Variants in MTTP observed in about 807,000 individuals in gnomAD.
MTTP encodes the protein microsomal triglyceride transfer protein large subunit.
In MTTP, 49 loss-of-function variants were observed where a neutral mutation model predicts 90.6. The observed-to-expected ratio is 0.54, with a 90% CI of 0.43 to 0.69. The LOEUF (loss-of-function observed/expected upper bound fraction) is 0.69. Among genes scored for constraint, MTTP ranks in the 30% least tolerant of loss-of-function variants. The pLI is 0.00. For synonymous variants in MTTP, 347 were observed against 384.2 expected (o/e 0.90, Z 1.13); for missense variants, 945 against 1,067.5 (o/e 0.89, Z 1.60).
At chr4:99,606,610 G>C (rs919500917) in intron 10 of MTTP, 138 bp from the exon 11 acceptor site, 1 of 798,548 alleles carries the variant, frequency 1.3e-6, no homozygotes, top group Admixed American at 1.9e-5. Flanking sequence ...TTATTCCACT[G>C]TGTGCCTCAG....
At chr4:99,566,297 G>GAAAAAAAAAAAAAAAAAAAAA in intron 1 of MTTP, among the ~76,000 whole-genome samples, 1 of 117,534 alleles carries the variant, frequency 8.5e-6, no homozygotes, top group Non-Finnish European at 1.8e-5. Flanking sequence ...TCAAAAAAAA[G>GAAAAAAAAAAAAAAAAAAAAA]AAAAAAAAAA....
chr4:99,598,237 G>T (rs1725605810), intron 8 of MTTP, among the ~76,000 whole-genome samples: 1 of 152,008 alleles, frequency 6.6e-6, no homozygotes, highest in African/African-American at 2.4e-5. Context: ...AAATTATCAG[G>T]CTCTGTTTTA....
At chr4:99,622,385 A>G (rs374296393) in intron 17 of MTTP, among the ~76,000 whole-genome samples, 14 of 152,340 alleles carry the variant, frequency 9.2e-5, no homozygotes, top group African/African-American at 3.4e-4. Context: ...GGTGAGACAC[A>G]GCACAGCCTG....
chr4:99,575,083 A>C (rs1048362707), intron 1 of MTTP, 113 bp downstream of exon 1: 1 of 1,225,268 alleles, frequency 8.2e-7, no homozygotes, highest in Non-Finnish European at 1.2e-6. Flanking sequence ...TTCTGACTAA[A>C]CTATCTTCAA....
chr4:99,567,044 A>G lies in MTTP; in HGVS notation c.-102+2807A>G, dbSNP rs1724719268. On this transcript the variant is annotated intron_variant, in intron 1 of 18. Transcript: ENST00000457717. Reference sequence around the variant, plus strand: ...AACCCATTTTTAAACATGACTTGAAAGGTAGCTACAAGGAAGAATCGGCCA... The same window carrying G: ...AACCCATTTTTAAACATGACTTGAAGGGTAGCTACAAGGAAGAATCGGCCA... 3.3e-5 allele frequency among the ~76,000 whole-genome samples: 5 copies of G among 152,342 alleles called. No homozygotes were observed. In the South Asian group the frequency reaches 1.0e-3, roughly 32 times the overall value.
intron 12 of MTTP, 126 bp downstream of exon 12, chr4:99,609,103 C>G: frequency 1.1e-6 from 1 of 931,390 alleles, no homozygotes; most frequent in Non-Finnish European, 1.7e-6. Flanking sequence ...CCAAAGAGTG[C>G]CAGATTTCCC....
At chr4:99,603,235 G>T (rs935529160) in intron 10 of MTTP, among the ~76,000 whole-genome samples, 1 of 152,080 alleles carries the variant, frequency 6.6e-6, no homozygotes, top group Non-Finnish European at 1.5e-5. Flanking sequence ...AAGTGACAGT[G>T]GAGACACAGG....
chr4:99,600,751 T>C lies in MTTP; in HGVS notation c.1236+18T>C. On this transcript the variant is annotated intron_variant, in intron 9 of 17. Transcript: ENST00000265517. The stretch of plus-strand genomic sequence containing the variant: ...CCCTCATTGTAAGTCAAATAGAAAA[T>C]AAAGACCCTCAACTCCTATAAAACT... 1.2e-6 allele frequency: 2 copies of C among 1,611,552 alleles called. No individual in the cohort carries two copies. The highest frequency in any genetic ancestry group is 8.5e-7 in the Non-Finnish European group (1 of 1,178,158).
rs929599408 is a variant in MTTP, at chr4:99,606,622, C to A, written c.1345-126C>A. 3 of 907,214 alleles carry A rather than the reference C, an allele frequency of 3.3e-6. No homozygotes were observed. The African/African-American group carries it at 4.9e-5, about 15-fold the overall frequency. The allele number at this position is 907,214 out of a possible 1,614,324, so 56.2% of individuals were successfully genotyped here. Reference sequence around the variant, plus strand: ...CTTTTATTCCACTGTGTGCCTCAGTCAAGCAACCAATGCAAAACTTTGTAA... The same window carrying A: ...CTTTTATTCCACTGTGTGCCTCAGTAAAGCAACCAATGCAAAACTTTGTAA... On this transcript the variant is annotated intron_variant, in intron 10 of 17. Coordinates refer to ENST00000265517, the MANE Select transcript of MTTP (RefSeq NM_001386140.1).
intron 3 of MTTP, among the ~76,000 whole-genome samples, chr4:99,587,278 C>T (rs1024134411): frequency 3.3e-5 from 5 of 152,002 alleles, no homozygotes; most frequent in African/African-American, 9.7e-5. Context: ...AGAATTTAGG[C>T]CCTAGAAGTA....
At chr4:99,600,476 CA>C in intron 8 of MTTP, 88 bp from the exon 9 acceptor site, 1 of 1,356,100 alleles carries the variant, frequency 7.4e-7, no homozygotes, top group Non-Finnish European at 1.0e-6. Context: ...TGAGAAAACT[CA>C]AACCAATAGA....
intron 3 of MTTP, among the ~76,000 whole-genome samples, chr4:99,587,731 C>T (rs1179336006): frequency 6.6e-6 from 1 of 152,090 alleles, no homozygotes; most frequent in African/African-American, 2.4e-5. Flanking sequence ...TGTGCATTGC[C>T]ACTGAGTGAA....
At chr4:99,568,335 C>T (rs1369469343) in intron 1 of MTTP, among the ~76,000 whole-genome samples, 1 of 151,982 alleles carries the variant, frequency 6.6e-6, no homozygotes, top group Non-Finnish European at 1.5e-5. Context: ...GGTTAACATG[C>T]AAAAGTCAAT....
At chr4:99,569,829 T>A (rs1002991479), upstream of MTTP, among the ~76,000 whole-genome samples, 1 of 152,002 alleles carries the variant, frequency 6.6e-6, no homozygotes, top group Non-Finnish European at 1.5e-5. Flanking sequence ...AAATATACTA[T>A]ATTTACAAGT....
chr4:99,589,894 C>T, intron 4 of MTTP, 144 bp downstream of exon 4: 1 of 661,618 alleles, frequency 1.5e-6, no homozygotes, highest in Non-Finnish European at 2.7e-6. Context: ...GCCTATGAAA[C>T]AATTGCCATT....
At chr4:99,609,883 A>G (rs896437834) in intron 12 of MTTP, among the ~76,000 whole-genome samples, 1 of 152,118 alleles carries the variant, frequency 6.6e-6, no homozygotes, top group African/African-American at 2.4e-5. Context: ...TAGCTTCTCC[A>G]TTTCTTTGTT....
chr4:99,591,227 C>G lies in MTTP; in HGVS notation c.502-8C>G. ...TCCCAAGCATTATGCCCTTGCCTTT[C>G]TTTTTAGGTAGATATCTCTGGAAAT... On this transcript the variant is annotated splice_polypyrimidine_tract_variant and splice_region_variant and intron_variant, in intron 4 of 17. Coordinates refer to ENST00000265517, the MANE Select transcript of MTTP (RefSeq NM_001386140.1). The G allele has an allele frequency of 6.3e-7, 1 of 1,586,914 alleles. No individual in the cohort carries two copies. The highest frequency in any genetic ancestry group is 1.1e-5 in the South Asian group (1 of 90,494).
chr4:99,586,113 CCT>C (rs1009881028), intron 3 of MTTP, among the ~76,000 whole-genome samples: 11 of 152,178 alleles, frequency 7.2e-5, no homozygotes, highest in East Asian at 1.9e-4. Context: ...CAGACCTCCC[CCT>C]GTCTCCCTTT....
rs1726285363 is a variant in MTTP at position 99,623,210 on chromosome 4, G to C, written c.*362G>C. Reference sequence around the variant, plus strand: ...ACCCAATTTTGTTTCAACAATTTTTGATCAATGTATATGAAGCTCTTGATA... The same window carrying C: ...ACCCAATTTTGTTTCAACAATTTTTCATCAATGTATATGAAGCTCTTGATA... On this transcript the variant is annotated 3_prime_UTR_variant, in exon 18 of 18. Coordinates refer to ENST00000265517, the MANE Select transcript of MTTP (RefSeq NM_001386140.1). 2 of 306,718 alleles carry C rather than the reference G, an allele frequency of 6.5e-6. No homozygotes were observed. The highest frequency in any genetic ancestry group is 1.2e-3 in the Middle Eastern group (1 of 854). The allele number at this position is 306,718 out of a possible 1,614,324, so 19.0% of individuals were successfully genotyped here.
Sources: gnomAD v4.1 joint callset for allele counts (sites outside exome capture counted in the v4.1 genomes callset) on GRCh38, gnomAD v4.1.1 for gene constraint, MANE v1.5 for transcripts, NCBI Gene and HGNC (gene_info 2026-07-23, HGNC 2026-07-21) for gene names.